The following STS variants were observed in gnomAD, a reference collection of about 807,000 sequenced individuals.
The protein encoded by STS is steroid sulfatase.
A neutral mutation model predicts 26.8 loss-of-function variants in STS; 7 were observed. The observed-to-expected ratio is 0.26, with a 90% CI of 0.15 to 0.49. STS has a LOEUF of 0.49. Among genes scored for constraint, STS ranks in the 20% least tolerant of loss-of-function variants. The pLI is 0.98. For missense variants in STS, 434 were observed against 465.6 expected, an observed-to-expected ratio of 0.93 and a Z score of 0.63; for synonymous variants, 199 against 189.4, an observed-to-expected ratio of 1.05 and a Z score of -0.42.
intron 1 of STS, among the ~76,000 whole-genome samples, chrX:7,161,104 T>C (rs1933233715): frequency 9.6e-6 from 1 of 104,263 alleles, no homozygotes; most frequent in South Asian, 4.8e-4. Flanking sequence ...TACAGGCATG[T>C]GCCACTATGC....
chrX:7,279,781 C>T (rs1449356506), intron 7 of STS, among the ~76,000 whole-genome samples: 4 of 110,286 alleles, frequency 3.6e-5, no homozygotes, highest in Non-Finnish European at 7.6e-5. Flanking sequence ...GTTAGAGAGA[C>T]TTGAGGCTTC....
chrX:7,247,301 C>G (rs1472759008), intron 2 of STS, among the ~76,000 whole-genome samples: 1 of 112,012 alleles, frequency 8.9e-6, no homozygotes, highest in East Asian at 2.8e-4. Flanking sequence ...AACAAAAGTA[C>G]CAACTCAATG....
At chrX:7,273,970 G>T (rs1392632274) in intron 6 of STS, among the ~76,000 whole-genome samples, 1 of 111,186 alleles carries the variant, frequency 9.0e-6, no homozygotes, top group Non-Finnish European at 1.9e-5. Context: ...CTCAGAGGAG[G>T]TGGCATTGGA....
At chrX:7,337,370 T>G (rs990593026) in intron 10 of STS, among the ~76,000 whole-genome samples, 1 of 112,121 alleles carries the variant, frequency 8.9e-6, no homozygotes, top group Admixed American at 9.5e-5. Flanking sequence ...CTGTACAATG[T>G]GCTGGGAATA....
At chrX:7,260,661 C>T (rs776948862) in intron 6 of STS, among the ~76,000 whole-genome samples, 2 of 111,761 alleles carry the variant, frequency 1.8e-5, no homozygotes, top group East Asian at 2.8e-4. Context: ...CCACCCACCT[C>T]GGCCTCCCAA....
intron 6 of STS, among the ~76,000 whole-genome samples, chrX:7,274,785 T>TA (rs1418141482): frequency 8.9e-6 from 1 of 112,103 alleles, no homozygotes; most frequent in Admixed American, 9.5e-5. Context: ...TTAGGCCAAT[T>TA]GAATGAATGT....
chrX:7,216,219 A>G (rs780816413), intron 2 of STS, among the ~76,000 whole-genome samples: 1 of 111,858 alleles, frequency 8.9e-6, no homozygotes, highest in South Asian at 3.8e-4. Flanking sequence ...TATCAACATG[A>G]TGGTGAATAA....
chrX:7,154,331 A>G (rs1253252465), intron 1 of STS, among the ~76,000 whole-genome samples: 2 of 112,373 alleles, frequency 1.8e-5, no homozygotes, highest in African/African-American at 6.5e-5. Context: ...TGCTTAGTGC[A>G]CTGGTCACTT....
At chrX:7,215,810 C>T (rs1379520929) in intron 2 of STS, among the ~76,000 whole-genome samples, 1 of 111,993 alleles carries the variant, frequency 8.9e-6, no homozygotes, top group African/African-American at 3.2e-5. Flanking sequence ...GCCTTTGGGC[C>T]TGAGTGGTAC....
At chrX:7,313,645 T>A in intron 8 of STS, among the ~76,000 whole-genome samples, 1 of 111,781 alleles carries the variant, frequency 8.9e-6, no homozygotes, top group Non-Finnish European at 1.9e-5. Flanking sequence ...GTTCATGCAT[T>A]TGGTTTAATT....
At chrX:7,155,800 C>T (rs1601617780) in intron 1 of STS, among the ~76,000 whole-genome samples, 1 of 111,685 alleles carries the variant, frequency 9.0e-6, no homozygotes, top group African/African-American at 3.3e-5. Flanking sequence ...AACTTTATAA[C>T]AAAATGATGT....
intron 9 of STS, 57 bp from the exon 10 acceptor site, chrX:7,333,929 G>A (rs1927881708): frequency 1.7e-6 from 2 of 1,207,020 alleles, no homozygotes; most frequent in Non-Finnish European, 2.2e-6. Flanking sequence ...GGTTCAGAAG[G>A]ACATTTGAGA....
At chrX:7,209,247 C>T (rs1407946190) in intron 2 of STS, among the ~76,000 whole-genome samples, 4 of 110,521 alleles carry the variant, frequency 3.6e-5, no homozygotes, top group Non-Finnish European at 7.6e-5. Context: ...TCTTCCATAG[C>T]AGGTAACATT....
Position 7,350,795 on chromosome X carries a change from T to C in STS, c.*534T>C, listed in dbSNP as rs751615355. 1 of 115,401 alleles carries C rather than the reference T, an allele frequency of 8.7e-6. No homozygotes were observed. Among genetic ancestry groups the C allele is most frequent in the East Asian group, 2.8e-4 (1 of 3,614 alleles). 9.5% of individuals were successfully genotyped at this position (115,401 alleles called of 1,213,427 possible). On this transcript the variant is annotated 3_prime_UTR_variant, in exon 11 of 11. Coordinates refer to ENST00000674429, the MANE Select transcript of STS (RefSeq NM_001320752.2). ...GATCTTCTTTAGGAATAATAGATGATGGTAAGTTCCACTTTGGTTATTGGA... is the reference window on the plus strand; with the variant it reads ...GATCTTCTTTAGGAATAATAGATGACGGTAAGTTCCACTTTGGTTATTGGA...
intron 10 of STS, among the ~76,000 whole-genome samples, chrX:7,348,111 T>C (rs1601768016): frequency 9.0e-6 from 1 of 111,425 alleles, no homozygotes; most frequent in African/African-American, 3.3e-5. Flanking sequence ...ACTGCAGTCG[T>C]CTCATTATGA....
In STS at chrX:7,148,086, G is replaced by C. The variant is rs1174640471; in HGVS notation, c.-134+3G>C. The C allele has an allele frequency of 5.3e-6, 6 of 1,135,172 alleles. No homozygotes were observed. Among genetic ancestry groups the C allele is most frequent in the Non-Finnish European group, 7.0e-6 (6 of 856,627 alleles). 93.6% of individuals were successfully genotyped at this position (1,135,172 alleles called of 1,213,427 possible). On this transcript the variant is annotated splice_donor_region_variant and intron_variant, in intron 1 of 10. Transcript: ENST00000674429. ...AGTCCGTCCATGTCAAAGATGAGGT[G>C]GGTGACGGGCTGCGGGGGCGCCGCC... is the stretch of plus-strand genomic sequence containing the variant.
At chrX:7,349,802 A>G in intron 10 of STS, 86 bp from the exon 11 acceptor site, 1 of 1,149,383 alleles carries the variant, frequency 8.7e-7, no homozygotes, top group Non-Finnish European at 1.2e-6. Flanking sequence ...AGCACATGGC[A>G]GCATAATTTC....
chrX:7,275,929 CTT>C lies in STS; in HGVS notation c.807-6_807-5del, dbSNP rs748041421. 20,821 of 966,279 alleles carry C rather than the reference CTT, an allele frequency of 0.022. No individual in the cohort carries two copies. The highest frequency in any genetic ancestry group is 0.036 in the East Asian group (918 of 25,684). The allele number at this position is 966,279 out of a possible 1,213,427, so 79.6% of individuals were successfully genotyped here. A position where few individuals can be genotyped will look rare whatever the true frequency, so the allele number is the denominator to read the frequency against. On this transcript the variant is annotated intron_variant, in intron 6 of 10. Coordinates refer to ENST00000674429, the MANE Select transcript of STS (RefSeq NM_001320752.2). ...TTATCTGTGGTCTTTTTTTTCCTCC[CTT>C]TTTTTTTTTTTTTTTGCAGGAACAC...
chrX:7,179,126 T>G (rs1300419503), intron 1 of STS, among the ~76,000 whole-genome samples: 1 of 110,194 alleles, frequency 9.1e-6, no homozygotes, highest in Non-Finnish European at 1.9e-5. Context: ...GTCCTTCTTG[T>G]GAAAGTGGTA....
Sources: gnomAD v4.1 joint callset for allele counts (sites outside exome capture counted in the v4.1 genomes callset) on GRCh38, gnomAD v4.1.1 for gene constraint, MANE v1.5 for transcripts, NCBI Gene and HGNC (gene_info 2026-07-23, HGNC 2026-07-21) for gene names.